Variants in TSPEAR observed in about 807,000 individuals in gnomAD.
TSPEAR encodes the protein thrombospondin-type laminin G domain and EAR repeat-containing protein.
TSPEAR carries 69 observed loss-of-function variants against 71.6 expected under a neutral mutation model. The observed-to-expected ratio is 0.96, with a 90% CI of 0.79 to 1.18. The LOEUF (loss-of-function observed/expected upper bound fraction) is 1.18, where lower values mean the gene tolerates loss of function less well. TSPEAR is among the 50% of genes most tolerant of loss of function. The probability of loss-of-function intolerance (pLI) is 0.00; values close to 1 mark genes in which losing one functional copy is unlikely to be tolerated. For missense variants in TSPEAR, 971 were observed against 894.9 expected, an observed-to-expected ratio of 1.09 and a Z score of -1.09; for synonymous variants, 402 against 387.2, an observed-to-expected ratio of 1.04 and a Z score of -0.45.
At chr21:44,552,982 T>A (rs1221947818) in intron 2 of TSPEAR, among the ~76,000 whole-genome samples, 1 of 152,196 alleles carries the variant, frequency 6.6e-6, no homozygotes, top group Non-Finnish European at 1.5e-5. Flanking sequence ...GGCAGCGGCG[T>A]TCCCTAATGG....
At chr21:44,708,878 G>T (rs782103184) in intron 1 of TSPEAR, among the ~76,000 whole-genome samples, 2 of 152,246 alleles carry the variant, frequency 1.3e-5, no homozygotes, top group African/African-American at 2.4e-5. Context: ...CATCCCGGGT[G>T]GGGGCACGGC....
intron 1 of TSPEAR, among the ~76,000 whole-genome samples, chr21:44,645,865 C>T (rs11909162): frequency 0.02 from 2,968 of 151,992 alleles, 100 homozygotes; most frequent in African/African-American, 0.067. Flanking sequence ...TCCGGCCGGA[C>T]GCGGTGGCTC....
At position 44,619,656 on chromosome 21, in the gene TSPEAR, G is replaced by C. The variant is rs191374053; in HGVS notation, c.83-51651C>G. ...ACCAAATAGAGAATATCAATAAAGA[G>C]ATAGGAGGAAATTTAAAAAGAAATT... On this transcript the variant is annotated intron_variant, in intron 1 of 11. Transcript: ENST00000323084. Among the ~76,000 whole-genome samples, 380 of 152,280 alleles carry C rather than the reference G, an allele frequency of 2.5e-3. 2 individuals carry two copies. Among genetic ancestry groups the C allele is most frequent in the Non-Finnish European group, 4.6e-3 (316 of 68,014 alleles).
intron 5 of TSPEAR, among the ~76,000 whole-genome samples, chr21:44,529,452 G>T (rs782740186): frequency 2.0e-5 from 3 of 152,176 alleles, no homozygotes; most frequent in Non-Finnish European, 2.9e-5. Context: ...GCTGTCCTTG[G>T]GGGGCAAAAG....
Position 44,506,243 on chromosome 21 carries a change from G to A in TSPEAR, c.1755-1362C>T, listed in dbSNP as rs2052198095. 6.6e-6 allele frequency among the ~76,000 whole-genome samples: 1 copy of A among 152,234 alleles called. No individual in the cohort carries two copies. The highest frequency in any genetic ancestry group is 2.4e-5 in the African/African-American group (1 of 41,468). On this transcript the variant is annotated intron_variant, in intron 10 of 11. Coordinates refer to ENST00000323084, the MANE Select transcript of TSPEAR (RefSeq NM_144991.3). This position sits in a 1 kb window ranked among gnomAD's most constrained non-coding sequence, Gnocchi z 4.2. The stretch of plus-strand genomic sequence containing the variant: ...TGGCTCGGTTTGAGGGGTCTGAGGA[G>A]CGGCTCCCCTGGATCCTTTCCTCCC...
chr21:44,594,707 G>A (rs1555927417), intron 1 of TSPEAR, among the ~76,000 whole-genome samples: 1 of 152,078 alleles, frequency 6.6e-6, no homozygotes, highest in East Asian at 1.9e-4. Flanking sequence ...CCTCCTCCTG[G>A]CTCTCGTCTT....
intron 1 of TSPEAR, chr21:44,658,168 C>T (rs202040706): frequency 8.1e-6 from 13 of 1,614,068 alleles, no homozygotes; most frequent in Admixed American, 1.7e-5. Flanking sequence ...GCAGGCCCAT[C>T]ATATATGTGA....
At chr21:44,601,888 A>C in intron 1 of TSPEAR, 1 of 1,065,412 alleles carries the variant, frequency 9.4e-7, no homozygotes, top group Non-Finnish European at 1.3e-6. Context: ...TCCTCCTAGA[A>C]GCAGCTCAGC....
At chr21:44,614,607 G>A (rs1245566988) in intron 1 of TSPEAR, among the ~76,000 whole-genome samples, 2 of 152,240 alleles carry the variant, frequency 1.3e-5, no homozygotes, top group Admixed American at 1.3e-4. Context: ...CCCCTCTGAC[G>A]GGGCCTGCCT....
chr21:44,542,577 A>G (rs150179444), intron 2 of TSPEAR, among the ~76,000 whole-genome samples: 123 of 152,040 alleles, frequency 8.1e-4, no homozygotes, highest in African/African-American at 2.7e-3. Context: ...GCAAAACCCA[A>G]TCTCTACAAA....
At chr21:44,615,423 T>A (rs587601113) in intron 1 of TSPEAR, among the ~76,000 whole-genome samples, 34 of 152,316 alleles carry the variant, frequency 2.2e-4, no homozygotes, top group African/African-American at 7.5e-4. Context: ...GTGGATGGGA[T>A]CCCACCTCTC....
At chr21:44,554,768 T>TTC (rs781972287) in intron 2 of TSPEAR, among the ~76,000 whole-genome samples, 2 of 152,340 alleles carry the variant, frequency 1.3e-5, no homozygotes, top group Non-Finnish European at 2.9e-5. Context: ...ATTGCACCTG[T>TTC]TCCTTCTGCC....
intron 2 of TSPEAR, among the ~76,000 whole-genome samples, chr21:44,541,555 T>C (rs2053223390): frequency 6.6e-6 from 1 of 152,230 alleles, no homozygotes; most frequent in African/African-American, 2.4e-5. Context: ...TTGTGGATTT[T>C]CTTACTGAGG....
intron 1 of TSPEAR, chr21:44,574,949 C>T (rs782664266): frequency 1.1e-5 from 17 of 1,606,834 alleles, no homozygotes; most frequent in African/African-American, 5.4e-5. Flanking sequence ...CAGCCTCCTG[C>T]GTGTCCCTCC....
intron 1 of TSPEAR, among the ~76,000 whole-genome samples, chr21:44,641,633 C>T (rs1161857058): frequency 6.6e-6 from 1 of 152,038 alleles, no homozygotes. Context: ...AAGATGGGAT[C>T]GAGGGGATGA....
At chr21:44,505,970 C>T (rs1459081853) in intron 10 of TSPEAR, among the ~76,000 whole-genome samples, 2 of 152,184 alleles carry the variant, frequency 1.3e-5, no homozygotes, top group African/African-American at 2.4e-5. Flanking sequence ...CCGCTCTGGA[C>T]ACTGTGCAGA....
chr21:44,540,241 T>C, intron 2 of TSPEAR: 1 of 1,552,502 alleles, frequency 6.4e-7, no homozygotes, highest in Non-Finnish European at 8.7e-7. Flanking sequence ...TGTGAGTGAG[T>C]GTGTGAGCTT....
chr21:44,672,561 CTCCGTCTCAAAACA>C (rs1555946190), intron 1 of TSPEAR, among the ~76,000 whole-genome samples: 60 of 130,908 alleles, frequency 4.6e-4, no homozygotes, highest in African/African-American at 1.7e-3. Flanking sequence ...TAGAGCAAAA[CTCCGTCTCAAAACA>C]AAAAAAAAAG....
At chr21:44,707,309 G>T (rs1247024476) in intron 1 of TSPEAR, among the ~76,000 whole-genome samples, 1 of 152,086 alleles carries the variant, frequency 6.6e-6, no homozygotes, top group Admixed American at 6.5e-5. Context: ...GGGTGGGGGG[G>T]GGTGCGGGGA....
Sources: gnomAD v4.1 joint callset for allele counts (sites outside exome capture counted in the v4.1 genomes callset) on GRCh38, gnomAD v4.1.1 for gene constraint, Gnocchi (gnomAD v3.1) non-coding constraint, MANE v1.5 for transcripts, NCBI Gene and HGNC (gene_info 2026-07-23, HGNC 2026-07-21) for gene names.